Variants in RAB11B observed in about 807,000 individuals in gnomAD.
RAB11B encodes the protein RAB11B, member RAS oncogene family, also known as ras-related protein Rab-11B.
A neutral mutation model predicts 23.7 loss-of-function variants in RAB11B; 7 were observed. That is an observed-to-expected ratio of 0.29 (90% CI 0.17 to 0.55). RAB11B has a LOEUF of 0.55. Among genes scored for constraint, RAB11B ranks in the 20% least tolerant of loss-of-function variants. The probability of loss-of-function intolerance (pLI) is 0.93; values close to 1 mark genes in which losing one functional copy is unlikely to be tolerated. For synonymous variants in RAB11B, 138 were observed against 132.0 expected, an observed-to-expected ratio of 1.05 and a Z score of -0.31; for missense variants, 189 against 320.0, an observed-to-expected ratio of 0.59 and a Z score of 3.12.
intron 4 of RAB11B, chr19:8,402,979 A>T: frequency 2.8e-6 from 1 of 353,266 alleles, no homozygotes. Context: ...ATTTTTTTCC[A>T]CCACCACCCC....
chr19:8,402,270 G>A lies in RAB11B; in HGVS notation c.421G>A (p.Ala141Thr), dbSNP rs373086696. The A allele has an allele frequency of 7.1e-6, 11 of 1,555,430 alleles. No homozygotes were observed. The highest frequency in any genetic ancestry group is 1.4e-5 in the African/African-American group (1 of 73,304). The stretch of plus-strand genomic sequence containing the variant: ...GGCTGTGCCCACTGACGAGGCCCGC[G>A]CCTTCGCAGGTGAGCAGACGGAGAC... ...LRAVPTDEARAFAEKNNLSFI... is the reference protein window; with the variant it reads ...LRAVPTDEARTFAEKNNLSFI... The change falls in exon 3 of 5, where the codon GCC becomes ACC. Residue 141 changes from alanine (A) to threonine (T), a missense_variant. Around this residue, in one of 5 missense-constraint regions of RAB11B, gnomAD observed 122 missense variants for 170.8 expected, o/e 0.71. Coordinates refer to ENST00000328024, the MANE Select transcript of RAB11B (RefSeq NM_004218.4).
chr19:8,403,079 AC>A (rs2145514030), intron 4 of RAB11B, among the ~76,000 whole-genome samples: 2 of 151,896 alleles, frequency 1.3e-5, no homozygotes, highest in South Asian at 4.2e-4. Flanking sequence ...GGACACAGAG[AC>A]CCCCTGGCCC....
intron 2 of RAB11B, among the ~76,000 whole-genome samples, chr19:8,401,621 G>A (rs10403402): frequency 0.031 from 4,651 of 151,356 alleles, 73 homozygotes; most frequent in South Asian, 0.064. Context: ...TCCTGACCTC[G>A]TGATCCACCT....
chr19:8,398,188 C>T (rs947085493), intron 1 of RAB11B, among the ~76,000 whole-genome samples: 1 of 152,176 alleles, frequency 6.6e-6, no homozygotes, highest in African/African-American at 2.4e-5. Context: ...CCAGCAGGCA[C>T]CTGCTCTGCT....
intron 2 of RAB11B, among the ~76,000 whole-genome samples, chr19:8,401,512 G>A (rs1033260283): frequency 8.7e-5 from 13 of 149,488 alleles, no homozygotes; most frequent in Non-Finnish European, 1.8e-4. Flanking sequence ...TTAGCCTCCC[G>A]AGTAGCTGGG....
chr19:8,402,393 G>C, intron 3 of RAB11B, 92 bp from the exon 4 acceptor site: 1 of 1,553,802 alleles, frequency 6.4e-7, no homozygotes, highest in Non-Finnish European at 8.8e-7. Context: ...GTGGCCTTGG[G>C]ATGGGCCAGG....
chr19:8,395,378 A>ATTCTC (rs946060431), intron 1 of RAB11B, among the ~76,000 whole-genome samples: 19 of 146,262 alleles, frequency 1.3e-4, no homozygotes, highest in African/African-American at 4.9e-4. Context: ...GGTTCAAATG[A>ATTCTC]TTCTCTTGCC....
At chr19:8,403,372 C>T (rs773830188) in intron 4 of RAB11B, 41 bp from the exon 5 acceptor site, 100 of 1,581,014 alleles carry the variant, frequency 6.3e-5, no homozygotes, top group Non-Finnish European at 7.7e-5. Context: ...AGGCAGGGCA[C>T]GTGCTGGCTC....
intron 1 of RAB11B, among the ~76,000 whole-genome samples, chr19:8,398,385 A>AC (rs928222679): frequency 6.6e-6 from 1 of 151,656 alleles, no homozygotes; most frequent in Non-Finnish European, 1.5e-5. Context: ...TCTGCTGTGC[A>AC]CCCCCCTCCT....
chr19:8,403,598 C>G lies in RAB11B; in HGVS notation c.*40C>G. The G allele has an allele frequency of 6.3e-7, 1 of 1,579,858 alleles. No homozygotes were observed. Among genetic ancestry groups the G allele is most frequent in the Non-Finnish European group, 8.6e-7 (1 of 1,159,168 alleles). ...CCCAGCGTGCGTGCACGTCCTCCGC[C>G]CGCCCCCGCCACGGTATCCTCTGGC... On this transcript the variant is annotated 3_prime_UTR_variant, in exon 5 of 5. Transcript: ENST00000328024.
chr19:8,398,454 C>T (rs1051415732), intron 1 of RAB11B, among the ~76,000 whole-genome samples: 5 of 152,226 alleles, frequency 3.3e-5, no homozygotes, highest in African/African-American at 1.2e-4. Flanking sequence ...CGTGGACTGC[C>T]ACACGGACTG....
At chr19:8,397,915 A>T (rs914185078) in intron 1 of RAB11B, among the ~76,000 whole-genome samples, 1 of 152,122 alleles carries the variant, frequency 6.6e-6, no homozygotes, top group Admixed American at 6.5e-5. Flanking sequence ...ACCAGGGATG[A>T]CCAAGCCACT....
At chr19:8,398,219 C>A (rs1042819650) in intron 1 of RAB11B, among the ~76,000 whole-genome samples, 4 of 152,198 alleles carry the variant, frequency 2.6e-5, no homozygotes, top group African/African-American at 9.6e-5. Context: ...GTTCCTGATG[C>A]TCCTTGGCCA....
Position 8,402,561 on chromosome 19 carries a change from C to T in RAB11B, c.507C>T (p.Leu169=), listed in dbSNP as rs745475012. The T allele has an allele frequency of 5.6e-6, 9 of 1,612,398 alleles. No individual in the cohort carries two copies. Among genetic ancestry groups the T allele is most frequent in the African/African-American group, 2.7e-5 (2 of 74,918 alleles). Residue 169 remains leucine (L), a synonymous_variant, in exon 4 of 5, where the codon CTC becomes CTT. Coordinates refer to ENST00000328024, the MANE Select transcript of RAB11B (RefSeq NM_004218.4). Reference sequence around the variant, plus strand: ...TAGAGGAAGCATTCAAGAACATCCTCACAGGTGGCCGGGGACCAGATGGGT... The same window carrying T: ...TAGAGGAAGCATTCAAGAACATCCTTACAGGTGGCCGGGGACCAGATGGGT... ...TNVEEAFKNI[L]TEIYRIVSQK... is the part of the protein sequence containing the mutation.
At chr19:8,398,250 A>G (rs575878465) in intron 1 of RAB11B, among the ~76,000 whole-genome samples, 1 of 152,268 alleles carries the variant, frequency 6.6e-6, no homozygotes. Flanking sequence ...GGCCTGCTGC[A>G]CACCCCGTGT....
chr19:8,401,030 T>A (rs1971432975), intron 2 of RAB11B, among the ~76,000 whole-genome samples: 1 of 152,244 alleles, frequency 6.6e-6, no homozygotes, highest in African/African-American at 2.4e-5. Flanking sequence ...TAGCTGGGGC[T>A]ACAGGCCTGT....
At position 8,401,940 on chromosome 19, in the gene RAB11B, C is replaced by A. The variant is rs1049021905; in HGVS notation, c.237-146C>A. Reference sequence around the variant, plus strand: ...GGAGCAGCGCTGGGGCCTCCAGACACACACCCTTCCCTTGAGGCCACAATG... The same window carrying A: ...GGAGCAGCGCTGGGGCCTCCAGACAAACACCCTTCCCTTGAGGCCACAATG... On this transcript the variant is annotated intron_variant, in intron 2 of 4. Transcript: ENST00000328024. 7.8e-6 allele frequency: 6 copies of A among 770,210 alleles called. No homozygotes were observed. The African/African-American group carries it at 1.1e-4, about 14-fold the overall frequency. 47.7% of individuals were successfully genotyped at this position (770,210 alleles called of 1,614,324 possible).
intron 1 of RAB11B, among the ~76,000 whole-genome samples, chr19:8,393,966 A>C (rs1378347380): frequency 6.6e-6 from 1 of 152,144 alleles, no homozygotes; most frequent in Non-Finnish European, 1.5e-5. Context: ...GTCGCTTCCC[A>C]GCCAGTGAAG....
chr19:8,392,714 G>T (rs1249761341), intron 1 of RAB11B, among the ~76,000 whole-genome samples: 4 of 59,908 alleles, frequency 6.7e-5, no homozygotes, highest in Non-Finnish European at 1.2e-4. Flanking sequence ...TTTTGAGACA[G>T]AATTTTACTC....
Sources: allele counts gnomAD v4.1 joint callset (sites outside exome capture counted in the v4.1 genomes callset), GRCh38; gene constraint gnomAD v4.1.1; regional missense constraint gnomAD v4.1.1; transcripts MANE v1.5; gene names NCBI Gene and HGNC (gene_info 2026-07-23, HGNC 2026-07-21).